The following ZNF177 variants were observed in gnomAD, a reference collection of about 807,000 sequenced individuals.
The protein encoded by ZNF177 is zinc finger protein 177.
Under a neutral mutation model 19.4 loss-of-function variants are expected in ZNF177, and 17 were observed. The observed-to-expected ratio is 0.87, with a 90% confidence interval of 0.60 to 1.31. The LOEUF (loss-of-function observed/expected upper bound fraction) is 1.31. Among genes scored for constraint, ZNF177 ranks in the 40% most tolerant of loss-of-function variants. The pLI is 0.00. For missense variants in ZNF177, 633 were observed against 561.8 expected, an observed-to-expected ratio of 1.13 and a Z score of -1.28; for synonymous variants, 220 against 188.7, an observed-to-expected ratio of 1.17 and a Z score of -1.36.
Position 9,381,025 on chromosome 19 carries a change from GA to G in ZNF177, c.695del (p.Asp232ValfsTer72). ...GCAAATACCTACTGGAGAGAAAGGT[GA>G]TGAATGCAGTGACTATGGCAAAATA... On this transcript the variant is annotated frameshift_variant, in exon 6 of 6. Coordinates refer to ENST00000589262, the Ensembl canonical transcript of ZNF177. LOFTEE classifies it low-confidence loss of function (END_TRUNC). The G allele has an allele frequency of 6.3e-7, 1 of 1,594,318 alleles. No homozygotes were observed. The highest frequency in any genetic ancestry group is 8.5e-7 in the Non-Finnish European group (1 of 1,176,098).
chr19:9,379,926 TTG>T, intron 4 of ZNF177, 129 bp from the exon 7 acceptor site: 1 of 1,090,026 alleles, frequency 9.2e-7, no homozygotes. Context: ...GAATCACTGG[TTG>T]TGTCTTCTTT....
At chr19:9,377,352 A>G (rs1457656949) in intron 1 of ZNF177, among the ~76,000 whole-genome samples, 1 of 152,132 alleles carries the variant, frequency 6.6e-6, no homozygotes, top group African/African-American at 2.4e-5. Flanking sequence ...GTTATTTTAG[A>G]ATGTATTCCT....
At chr19:9,380,770 T>A in exon 6 of ZNF177, 2 of 1,536,072 alleles carry the variant, frequency 1.3e-6, no homozygotes, top group South Asian at 2.4e-5. Flanking sequence ...GGGAGAGAAA[T>A]GCTATAAATA....
intron 2 of ZNF177, among the ~76,000 whole-genome samples, chr19:9,367,224 G>A (rs1450142371): frequency 2.0e-5 from 3 of 152,088 alleles, no homozygotes; most frequent in African/African-American, 7.2e-5. Flanking sequence ...GGAGGCTGAG[G>A]CAGGAGAATC....
At chr19:9,369,157 A>C (rs2122500049) in intron 2 of ZNF177, among the ~76,000 whole-genome samples, 1 of 152,204 alleles carries the variant, frequency 6.6e-6, no homozygotes, top group Non-Finnish European at 1.5e-5. Context: ...AGTGTCCCTC[A>C]GTGTGCTAGA....
chr19:9,365,907 G>C (rs554979854), intron 2 of ZNF177, among the ~76,000 whole-genome samples: 33 of 152,282 alleles, frequency 2.2e-4, no homozygotes, highest in African/African-American at 7.5e-4. Context: ...TGGTCGGTCT[G>C]AGGACCTGAG....
chr19:9,379,486 C>T, intron 3 of ZNF177, 41 bp from the exon 6 acceptor site: 3 of 1,594,362 alleles, frequency 1.9e-6, no homozygotes, highest in Middle Eastern at 3.3e-4. Context: ...ATATTTAATT[C>T]TCACACATTT....
At chr19:9,373,998 C>T (rs2068080381), upstream of ZNF177, among the ~76,000 whole-genome samples, 1 of 151,934 alleles carries the variant, frequency 6.6e-6, no homozygotes, top group Admixed American at 6.6e-5. Context: ...AAATTAATAT[C>T]AAAGAGCTTT....
exon 6 of ZNF177, chr19:9,381,082 A>T (rs926895859): frequency 1.2e-6 from 2 of 1,611,048 alleles, no homozygotes; most frequent in Admixed American, 3.3e-5. Context: ...AAAAACTGGT[A>T]GTGTGGAGGA....
intron 1 of ZNF177, among the ~76,000 whole-genome samples, chr19:9,376,954 A>G (rs1047648570): frequency 5.9e-5 from 9 of 152,126 alleles, no homozygotes; most frequent in African/African-American, 2.2e-4. Context: ...AATCAGCTCC[A>G]TTACTGATGA....
chr19:9,381,491 C>T (rs151178947), exon 6 of ZNF177: 2 of 1,611,386 alleles, frequency 1.2e-6, no homozygotes, highest in South Asian at 1.1e-5. Context: ...AAGAAACACA[C>T]ACGCTCTCAC....
In ZNF177 at chr19:9,370,686, T is replaced by G. The variant is rs182381550; in HGVS notation, c.-304-924T>G. ...ATCCTCCTGCCCCAGCTTTCCAAAG[T>G]GCTGGGATTACTGGTGTGAGCCACT... is the stretch of plus-strand genomic sequence containing the variant. On this transcript the variant is annotated intron_variant, in intron 2 of 8. Transcript: ENST00000343499. Among the ~76,000 whole-genome samples, 16 of 152,310 alleles carry G rather than the reference T, an allele frequency of 1.1e-4. No individual in the cohort carries two copies. The East Asian group carries it at 3.1e-3, about 29-fold the overall frequency.
downstream of ZNF177, chr19:9,382,608 A>C (rs934528520): frequency 7.7e-6 from 3 of 389,210 alleles, no homozygotes; most frequent in Admixed American, 4.5e-5. Context: ...AAGTTTTAGG[A>C]ATCGTTCAAG....
At chr19:9,367,550 C>T (rs1599383547) in intron 2 of ZNF177, among the ~76,000 whole-genome samples, 1 of 152,084 alleles carries the variant, frequency 6.6e-6, no homozygotes, top group East Asian at 1.9e-4. Flanking sequence ...TACTATATTT[C>T]CTATTTATTG....
exon 6 of ZNF177, chr19:9,381,788 G>A (rs2068207455): frequency 6.3e-7 from 1 of 1,578,758 alleles, no homozygotes; most frequent in Non-Finnish European, 8.6e-7. Context: ...AATGACTCAG[G>A]GAAGTGTTTG....
exon 6 of ZNF177, chr19:9,381,523 T>C (rs1217983424): frequency 1.9e-6 from 3 of 1,614,028 alleles, no homozygotes; most frequent in Non-Finnish European, 2.5e-6. Context: ...GCCTTATGAG[T>C]GTAACCAGTG....
chr19:9,382,397 C>A (rs1228279718), downstream of ZNF177: 4 of 398,592 alleles, frequency 1.0e-5, no homozygotes, highest in Non-Finnish European at 1.8e-5. Context: ...AATATATACA[C>A]CAAGAGGAGG....
intron 2 of ZNF177, among the ~76,000 whole-genome samples, chr19:9,367,067 T>C (rs536384316): frequency 6.6e-6 from 1 of 152,336 alleles, no homozygotes; most frequent in Admixed American, 6.5e-5. Flanking sequence ...ACGCCTGTAA[T>C]CCCAGCACTT....
At chr19:9,377,224 C>A (rs2068122023) in intron 1 of ZNF177, among the ~76,000 whole-genome samples, 1 of 152,162 alleles carries the variant, frequency 6.6e-6, no homozygotes, top group African/African-American at 2.4e-5. Context: ...ACCTGCTGCA[C>A]TGCCAGTCAT....
Sources: gnomAD v4.1 joint callset for allele counts (sites outside exome capture counted in the v4.1 genomes callset) on GRCh38, gnomAD v4.1.1 for gene constraint, MANE v1.5 for transcripts, NCBI Gene and HGNC (gene_info 2026-07-23, HGNC 2026-07-21) for gene names.